Variants in TFAP2D observed in about 807,000 individuals in gnomAD.
The protein encoded by TFAP2D is transcription factor AP-2-delta.
In TFAP2D, 9 loss-of-function variants were observed where a neutral mutation model predicts 43.6. That is an observed-to-expected ratio of 0.21 (90% confidence interval 0.12 to 0.36). The LOEUF (loss-of-function observed/expected upper bound fraction) is 0.36, where lower values mean the gene tolerates loss of function less well. Among genes scored for constraint, TFAP2D ranks in the 10% least tolerant of loss-of-function variants. TFAP2D has a pLI of 1.00. For synonymous variants in TFAP2D, 256 were observed against 224.9 expected, an observed-to-expected ratio of 1.14 and a Z score of -1.24; for missense variants, 513 against 561.4, an observed-to-expected ratio of 0.91 and a Z score of 0.87.
At chr6:50,740,475 C>G (rs771415101) in intron 5 of TFAP2D, among the ~76,000 whole-genome samples, 13 of 151,982 alleles carry the variant, frequency 8.6e-5, no homozygotes, top group African/African-American at 2.7e-4. Flanking sequence ...ACTTTGTCGC[C>G]CAGGCTGGAG....
chr6:50,726,698 C>T (rs1428431337), intron 3 of TFAP2D, among the ~76,000 whole-genome samples: 2 of 152,156 alleles, frequency 1.3e-5, no homozygotes, highest in African/African-American at 2.4e-5. Context: ...TAATACCTAC[C>T]TTGCTTTCCT....
At chr6:50,728,398 C>G (rs1768838210) in intron 3 of TFAP2D, among the ~76,000 whole-genome samples, 1 of 152,156 alleles carries the variant, frequency 6.6e-6, no homozygotes, top group African/African-American at 2.4e-5. Context: ...TGGCAGTTTT[C>G]AAACACTTTG....
At chr6:50,719,001 A>G (rs1298772435) in intron 2 of TFAP2D, 89 bp from the exon 3 acceptor site, 8 of 1,233,668 alleles carry the variant, frequency 6.5e-6, no homozygotes, top group South Asian at 5.3e-5. Flanking sequence ...AACAGAGTTC[A>G]GGGATGGGCT....
Position 50,715,448 on chromosome 6 carries a change from G to A in TFAP2D, c.372G>A (p.Ser124=), listed in dbSNP as rs760105430. 1 of 1,614,106 alleles carries A rather than the reference G, an allele frequency of 6.2e-7. No individual in the cohort carries two copies. The highest frequency in any genetic ancestry group is 1.7e-5 in the Admixed American group (1 of 60,024). The change falls in exon 2 of 8, where the codon TCG becomes TCA. Residue 124 remains serine (S), a synonymous_variant. Coordinates refer to ENST00000008391, the MANE Select transcript of TFAP2D (RefSeq NM_172238.4). ...TGCACAATGCGCGGGCGCTCAAGTC[G>A]TCCTGCCTGGACGAGCAGAGGCGGG... ...INLHNARALK[S]SCLDEQRREL...
chr6:50,753,828 G>A (rs974883582), intron 7 of TFAP2D, among the ~76,000 whole-genome samples: 3 of 151,682 alleles, frequency 2.0e-5, no homozygotes, highest in African/African-American at 7.3e-5. Flanking sequence ...TTAAATGTTT[G>A]CCAGAATTGT....
At chr6:50,743,359 T>G (rs1232099891) in intron 5 of TFAP2D, among the ~76,000 whole-genome samples, 1 of 113,272 alleles carries the variant, frequency 8.8e-6, no homozygotes, top group Non-Finnish European at 1.8e-5. Flanking sequence ...TAGTATATTT[T>G]GTTTTGTTTT....
At position 50,715,189 on chromosome 6, in the gene TFAP2D, T is replaced by A; in HGVS notation, c.113T>A (p.Val38Asp). The A allele has an allele frequency of 6.2e-7, 1 of 1,614,036 alleles. No homozygotes were observed. The highest frequency in any genetic ancestry group is 2.2e-5 in the East Asian group (1 of 44,840). Residue 38 changes from valine (V) to aspartate (D), a missense_variant, in exon 2 of 8, where the codon GTC (valine) becomes GAC (aspartate). Around this residue, in one of 3 missense-constraint regions of TFAP2D, gnomAD observed 311 missense variants for 316.2 expected, o/e 0.98. Coordinates refer to ENST00000008391, the MANE Select transcript of TFAP2D (RefSeq NM_172238.4). The part of the protein sequence containing the change: ...GCLESVANST[V>D]AYSSSSPLTY... ...CTGGAGTCAGTAGCCAATTCCACTG[T>A]CGCCTATTCCTCCTCCTCTCCTTTA...
In TFAP2D at chr6:50,742,573, CATAGATAGATAGATAGATAG is replaced by C. The variant is rs144051096; in HGVS notation, c.884-2495_884-2476del. Among the ~76,000 whole-genome samples, 82 of 145,498 alleles carry C rather than the reference CATAGATAGATAGATAGATAG, an allele frequency of 5.6e-4. 1 individual carries two copies. The highest frequency in any genetic ancestry group is 5.3e-3 in the South Asian group (23 of 4,378). On this transcript the variant is annotated intron_variant, in intron 5 of 7. Transcript: ENST00000008391. ...GTGGATGGACACATAGACAGACACA[CATAGATAGATAGATAGATAG>C]ATAGATAGATAGATAGATAGATAGA...
Position 50,719,099 on chromosome 6 carries a change from G to A in TFAP2D, c.547G>A (p.Glu183Lys). ...TGTTTCTTTTATTAAGGGCTCTGTG[G>A]AGGCCCAGTGTGGGCTTGTTCTCAA... ...AGADDLQGSV[E>K]AQCGLVLNGQ... The change falls in exon 3 of 8, where the codon GAG (glutamate) becomes AAG (lysine). Residue 183 changes from glutamate to lysine, a missense_variant. By Grantham distance (56) the Glu-to-Lys change is moderately conservative. Coordinates refer to ENST00000008391, the MANE Select transcript of TFAP2D (RefSeq NM_172238.4). The A allele has an allele frequency of 6.2e-7, 1 of 1,613,926 alleles. No individual in the cohort carries two copies. Among genetic ancestry groups the A allele is most frequent in the Admixed American group, 1.7e-5 (1 of 60,024 alleles).
intron 3 of TFAP2D, among the ~76,000 whole-genome samples, chr6:50,726,865 C>T (rs772271032): frequency 9.9e-5 from 15 of 152,108 alleles, no homozygotes; most frequent in Non-Finnish European, 1.5e-4. Context: ...GCTTAAAACT[C>T]GGTGAGAATA....
intron 7 of TFAP2D, among the ~76,000 whole-genome samples, chr6:50,772,263 G>A (rs1316039588): frequency 6.6e-6 from 1 of 151,954 alleles, no homozygotes; most frequent in Non-Finnish European, 1.5e-5. Context: ...AGGGGGGAGG[G>A]ATAGCATTAG....
intron 5 of TFAP2D, among the ~76,000 whole-genome samples, chr6:50,740,571 T>C (rs1489278223): frequency 6.6e-6 from 1 of 151,896 alleles, no homozygotes; most frequent in African/African-American, 2.4e-5. Flanking sequence ...TAGCTAGGAT[T>C]GCAGGTGCCC....
intron 3 of TFAP2D, among the ~76,000 whole-genome samples, chr6:50,721,654 T>C (rs1006665421): frequency 1.3e-5 from 2 of 152,178 alleles, no homozygotes; most frequent in African/African-American, 4.8e-5. Context: ...AGACATTAAC[T>C]CAAGTGCTGC....
At chr6:50,736,090 T>C (rs1340206935) in intron 5 of TFAP2D, among the ~76,000 whole-genome samples, 1 of 152,184 alleles carries the variant, frequency 6.6e-6, no homozygotes, top group Middle Eastern at 3.2e-3. Flanking sequence ...GAGCAACTCA[T>C]GGACCTCATT....
intron 7 of TFAP2D, among the ~76,000 whole-genome samples, chr6:50,766,730 G>A (rs1239099238): frequency 1.9e-4 from 26 of 133,724 alleles, no homozygotes; most frequent in Admixed American, 7.2e-4. Context: ...CTGCAGTGGC[G>A]CAATCTCGGC....
chr6:50,729,112 A>G (rs1316964832), intron 4 of TFAP2D, 82 bp from the exon 5 acceptor site: 1 of 1,601,402 alleles, frequency 6.2e-7, no homozygotes, highest in African/African-American at 1.3e-5. Context: ...CTGATAGTGT[A>G]TTCCCCATGT....
chr6:50,751,867 A>G (rs1027743158), intron 7 of TFAP2D, among the ~76,000 whole-genome samples: 1 of 152,022 alleles, frequency 6.6e-6, no homozygotes, highest in Non-Finnish European at 1.5e-5. Context: ...TGCATGAAGC[A>G]TTTTAGATTG....
intron 6 of TFAP2D, among the ~76,000 whole-genome samples, chr6:50,746,765 A>G (rs2113883707): frequency 6.6e-6 from 1 of 152,280 alleles, no homozygotes; most frequent in Admixed American, 6.5e-5. Context: ...TTGCCATCTC[A>G]CAGGTTTGTC....
rs75744878 is a variant in TFAP2D at position 50,716,157 on chromosome 6, A to G, written c.537+544A>G. On this transcript the variant is annotated intron_variant, in intron 2 of 7. Transcript: ENST00000008391. ...GGAAATTGTTGGGACCCTAAGCTTG[A>G]ACAAAAGTTTCACCAAATACACTAG... Among the ~76,000 whole-genome samples, 317 of 152,230 alleles carry G rather than the reference A, an allele frequency of 2.1e-3. 1 individual carries two copies. The highest frequency in any genetic ancestry group is 3.4e-3 in the Non-Finnish European group (234 of 68,016).
Sources: gnomAD v4.1 joint callset for allele counts (sites outside exome capture counted in the v4.1 genomes callset) on GRCh38, gnomAD v4.1.1 for gene constraint, gnomAD v4.1.1 regional missense constraint, MANE v1.5 for transcripts, NCBI Gene and HGNC (gene_info 2026-07-23, HGNC 2026-07-21) for gene names.